NEK1: variants seen among roughly 807,000 people sequenced by gnomAD.
NEK1 encodes serine/threonine-protein kinase Nek1.
Under a neutral mutation model 182.1 loss-of-function variants are expected in NEK1, and 137 were observed. The observed-to-expected ratio is 0.75, with a 90% CI of 0.65 to 0.87. The LOEUF (loss-of-function observed/expected upper bound fraction) is 0.87, where lower values mean the gene tolerates loss of function less well. Among genes scored for constraint, NEK1 ranks in the 40% least tolerant of loss-of-function variants. The probability of loss-of-function intolerance (pLI) is 0.00; values close to 1 mark genes in which losing one functional copy is unlikely to be tolerated. For synonymous variants in NEK1, 513 were observed against 492.2 expected (o/e 1.04, Z -0.56); for missense variants, 1,391 against 1,494.4 (o/e 0.93, Z 1.14).
At position 169,401,668 on chromosome 4, in the gene NEK1, G is replaced by C; in HGVS notation, c.3567C>G (p.Asn1189Lys). ...ATCATGCACCTGAGTGCCATTCTTC[G>C]TTCAGGGCACTTTCACTGCTGGGAT... ...DDNPSSESAL[N>K]EEWHSDNSDG... The change falls in exon 33 of 36, where the codon AAC becomes AAG. Residue 1189 changes from asparagine (N) to lysine (K), a missense_variant. Asn to Lys is a moderately conservative substitution (Grantham distance 94). Around this residue, in one of 5 missense-constraint regions of NEK1, gnomAD observed 1,216 missense variants for 1,277.6 expected, o/e 0.95. Coordinates refer to ENST00000507142, the MANE Select transcript of NEK1 (RefSeq NM_001199397.3). 2 of 1,613,626 alleles carry C rather than the reference G, an allele frequency of 1.2e-6. No homozygotes were observed. Among genetic ancestry groups the C allele is most frequent in the South Asian group, 1.1e-5 (1 of 91,038 alleles).
At chr4:169,549,086 G>C (rs574167695) in intron 18 of NEK1, among the ~76,000 whole-genome samples, 6 of 152,286 alleles carry the variant, frequency 3.9e-5, no homozygotes, top group Non-Finnish European at 7.4e-5. Flanking sequence ...GGAAACCCAG[G>C]GCCCTGGTGG....
At chr4:169,461,446 T>G (rs1349776557) in intron 27 of NEK1, among the ~76,000 whole-genome samples, 1 of 152,130 alleles carries the variant, frequency 6.6e-6, no homozygotes, top group Non-Finnish European at 1.5e-5. Context: ...TATTGTCTTG[T>G]GGCTCTCCCT....
intron 23 of NEK1, among the ~76,000 whole-genome samples, chr4:169,494,043 A>G (rs1247515709): frequency 6.6e-6 from 1 of 152,186 alleles, no homozygotes; most frequent in African/African-American, 2.4e-5. Flanking sequence ...AGCTAGAGAA[A>G]AGAACCAAAT....
chr4:169,573,587 A>G (rs1765205742), intron 12 of NEK1, among the ~76,000 whole-genome samples: 1 of 152,196 alleles, frequency 6.6e-6, no homozygotes, highest in Non-Finnish European at 1.5e-5. Context: ...GGAAATTATT[A>G]TAAATGAATA....
intron 27 of NEK1, among the ~76,000 whole-genome samples, chr4:169,457,606 GGGAGAAAA>G (rs1203198395): frequency 8.0e-5 from 12 of 149,578 alleles, no homozygotes; most frequent in East Asian, 5.9e-4. Flanking sequence ...AAGAAAGAAA[GGGAGAAAA>G]GGAGAAAAGG....
At chr4:169,497,751 T>G (rs7667964) in intron 23 of NEK1, among the ~76,000 whole-genome samples, 13,386 of 152,268 alleles carry the variant, frequency 0.088, 767 homozygotes, top group African/African-American at 0.16. Flanking sequence ...CTAGTCTGAT[T>G]GCACTGTGGT....
chr4:169,570,673 G>A (rs1764654805), intron 12 of NEK1, among the ~76,000 whole-genome samples: 1 of 152,236 alleles, frequency 6.6e-6, no homozygotes, highest in African/African-American at 2.4e-5. Context: ...CCATCTGGGA[G>A]GTGTGCCCAG....
intron 31 of NEK1, among the ~76,000 whole-genome samples, chr4:169,417,800 T>C (rs1734794367): frequency 6.6e-6 from 1 of 152,194 alleles, no homozygotes; most frequent in Non-Finnish European, 1.5e-5. Flanking sequence ...AAGACTGTGA[T>C]CCCTGTGAGA....
intron 18 of NEK1, among the ~76,000 whole-genome samples, chr4:169,552,327 AAAG>A (rs969720891): frequency 2.0e-5 from 3 of 152,010 alleles, no homozygotes; most frequent in Non-Finnish European, 4.4e-5. Flanking sequence ...TCAATAAGCT[AAAG>A]AAGAAAAATC....
At chr4:169,602,129 AG>A in intron 3 of NEK1, 25 bp from the exon 4 acceptor site, 1 of 1,513,462 alleles carries the variant, frequency 6.6e-7, no homozygotes, top group Non-Finnish European at 9.2e-7. Context: ...AAAAGAAAAT[AG>A]TAAATGAAAC....
intron 19 of NEK1, among the ~76,000 whole-genome samples, chr4:169,522,179 T>G (rs914266683): frequency 3.3e-5 from 5 of 152,204 alleles, no homozygotes; most frequent in Admixed American, 3.3e-4. Flanking sequence ...GAATCTTAAT[T>G]TTGATTATTG....
At chr4:169,485,813 G>C (rs772408086) in intron 23 of NEK1, among the ~76,000 whole-genome samples, 10 of 152,168 alleles carry the variant, frequency 6.6e-5, no homozygotes, top group Non-Finnish European at 1.3e-4. Flanking sequence ...CCAGGAGTTT[G>C]AGACCCAGTT....
chr4:169,607,127 C>T (rs1187196791), intron 2 of NEK1, among the ~76,000 whole-genome samples: 2 of 152,184 alleles, frequency 1.3e-5, no homozygotes, highest in African/African-American at 4.8e-5. Context: ...ACAGTCTCAT[C>T]CTAACAAAGC....
At chr4:169,418,656 G>A (rs1734940863) in intron 31 of NEK1, among the ~76,000 whole-genome samples, 1 of 151,968 alleles carries the variant, frequency 6.6e-6, no homozygotes, top group Non-Finnish European at 1.5e-5. Flanking sequence ...AAAAAGATAA[G>A]TAAACATGAA....
At chr4:169,550,173 A>C (rs1190277124) in intron 18 of NEK1, among the ~76,000 whole-genome samples, 1 of 152,102 alleles carries the variant, frequency 6.6e-6, no homozygotes, top group Non-Finnish European at 1.5e-5. Context: ...GTGACAGTGA[A>C]TAAGTCTCAC....
Position 169,557,032 on chromosome 4 carries a change from A to G in NEK1, c.1267-937T>C, listed in dbSNP as rs567270502. ...CTTGGTGTTTGCGTTCAAATAATAAATAACAATAGAAAGGATTTATAAAGT... is the reference window on the plus strand; with the variant it reads ...CTTGGTGTTTGCGTTCAAATAATAAGTAACAATAGAAAGGATTTATAAAGT... On this transcript the variant is annotated intron_variant, in intron 16 of 35. Coordinates refer to ENST00000507142, the MANE Select transcript of NEK1 (RefSeq NM_001199397.3). 1.2e-3 allele frequency among the ~76,000 whole-genome samples: 189 copies of G among 152,360 alleles called. 1 individual carries two copies. The highest frequency in any genetic ancestry group is 2.1e-3 in the Non-Finnish European group (144 of 68,036).
At chr4:169,544,332 G>A (rs1561382685) in intron 18 of NEK1, among the ~76,000 whole-genome samples, 3 of 152,160 alleles carry the variant, frequency 2.0e-5, no homozygotes, top group Admixed American at 2.0e-4. Flanking sequence ...TGATCATGGT[G>A]GATAAGCTTT....
chr4:169,574,537 G>A (rs1227355719), intron 12 of NEK1, among the ~76,000 whole-genome samples: 1 of 152,008 alleles, frequency 6.6e-6, no homozygotes, highest in Admixed American at 6.6e-5. Flanking sequence ...AACCCGCGAG[G>A]CGGAGCTTGC....
chr4:169,599,177 C>T lies in NEK1; in HGVS notation c.235G>A (p.Val79Ile), dbSNP rs1367769528. Residue 79 changes from valine to isoleucine, a missense_variant, in exon 5 of 36, where the codon GTA becomes ATA. Transcript: ENST00000507142. The stretch of plus-strand genomic sequence containing the variant: ...TCCCCTCCCTCACAGTAATCCATTA[C>T]TATGTAGAGAGAGCCATTTTCTACA... ...SFEENGSLYI[V>I]MDYCEGGDLF... 3.1e-6 allele frequency: 5 copies of T among 1,612,138 alleles called. No homozygotes were observed. Among genetic ancestry groups the T allele is most frequent in the East Asian group, 2.2e-5 (1 of 44,802 alleles).
Sources: gnomAD v4.1 joint callset for allele counts (sites outside exome capture counted in the v4.1 genomes callset) on GRCh38, gnomAD v4.1.1 for gene constraint, gnomAD v4.1.1 regional missense constraint, MANE v1.5 for transcripts, NCBI Gene and HGNC (gene_info 2026-07-23, HGNC 2026-07-21) for gene names.